Variants in PRKDC observed in about 807,000 individuals in gnomAD.
The protein encoded by PRKDC is DNA-dependent protein kinase catalytic subunit.
PRKDC carries 82 observed loss-of-function variants against 486.9 expected under a neutral mutation model. The ratio of observed to expected loss-of-function variants is 0.17; its 90% confidence interval spans 0.14 to 0.20. PRKDC has a LOEUF of 0.20. Ranked by LOEUF, PRKDC falls within the 10% of genes least tolerant of loss-of-function variation. The probability of loss-of-function intolerance (pLI) is 1.00; values close to 1 mark genes in which losing one functional copy is unlikely to be tolerated. For synonymous variants in PRKDC, 1,895 were observed against 1,837.0 expected (o/e 1.03, Z -0.81); for missense variants, 4,504 against 5,038.2 (o/e 0.89, Z 3.21).
Position 47,888,544 on chromosome 8 carries a change from GC to G in PRKDC, c.4386del (p.Leu1463PhefsTer41). Reference protein sequence around the residue: ...VSACKQLHRAGLLHNILPSQS... With the variant: ...VSACKQLHRAXLLHNILPSQS... The stretch of plus-strand genomic sequence containing the variant: ...TGAGACGGTAATATATTATGCAGAA[GC>G]CCAGCTCTGTGAAGCTGTTTACAGG... On this transcript the variant is annotated frameshift_variant, in exon 34 of 86. Transcript: ENST00000314191. LOFTEE classifies it high-confidence loss of function. 1 of 1,575,098 alleles carries G rather than the reference GC, an allele frequency of 6.3e-7. No individual in the cohort carries two copies. The highest frequency in any genetic ancestry group is 8.6e-7 in the Non-Finnish European group (1 of 1,159,536).
At position 47,823,814 on chromosome 8, in the gene PRKDC, A is replaced by G. The variant is rs770714241; in HGVS notation, c.8922+44T>C. 2.5e-6 allele frequency: 4 copies of G among 1,605,628 alleles called. No individual in the cohort carries two copies. The South Asian group carries it at 4.4e-5, about 18-fold the overall frequency. On this transcript the variant is annotated intron_variant, in intron 64 of 85. Coordinates refer to ENST00000314191, the MANE Select transcript of PRKDC (RefSeq NM_006904.7). ...AAAGTCATAGTTCAGCAGAAAACAAAAGTGTTGAAGTAAATGTCATATTTT... is the reference window on the plus strand; with the variant it reads ...AAAGTCATAGTTCAGCAGAAAACAAGAGTGTTGAAGTAAATGTCATATTTT...
At chr8:47,879,697 T>C in intron 38 of PRKDC, 39 bp from the exon 39 acceptor site, 1 of 1,466,790 alleles carries the variant, frequency 6.8e-7, no homozygotes. Context: ...GCACGAATTA[T>C]GGCTTATATA....
Position 47,858,957 on chromosome 8 carries a change from A to T in PRKDC, c.6237T>A (p.Asp2079Glu), listed in dbSNP as rs1291525856. ...GCTCGTCCATCTCCAGCTCCAGCAC[A>T]TCATCATGCACCGTGGGGTCCCGCT... ...REQRDPTVHD[D>E]VLELEMDELN... The change falls in exon 47 of 86, where the codon GAT becomes GAA. Residue 2079 changes from aspartate to glutamate, a missense_variant. Physicochemically the swap from Asp to Glu is conservative, Grantham distance 45 (BLOSUM62 2). Transcript: ENST00000314191. The T allele has an allele frequency of 3.7e-6, 6 of 1,613,522 alleles. No individual in the cohort carries two copies. The highest frequency in any genetic ancestry group is 4.2e-6 in the Non-Finnish European group (5 of 1,179,878).
rs767290425 is a variant in PRKDC at position 47,881,904 on chromosome 8, T to C, written c.4962+8A>G. On this transcript the variant is annotated splice_region_variant and intron_variant, in intron 37 of 85. Transcript: ENST00000314191. Reference sequence around the variant, plus strand: ...TAAACATGACTGCTTTTTAAAGGAATTGAATACCTGTAAAATTTTTGCCAG... The same window carrying C: ...TAAACATGACTGCTTTTTAAAGGAACTGAATACCTGTAAAATTTTTGCCAG... 46 of 1,598,888 alleles carry C rather than the reference T, an allele frequency of 2.9e-5. No homozygotes were observed. The highest frequency in any genetic ancestry group is 5.4e-5 in the African/African-American group (4 of 74,542).
chr8:47,799,421 C>T, intron 71 of PRKDC, 31 bp from the exon 72 acceptor site: 1 of 1,458,200 alleles, frequency 6.9e-7, no homozygotes, highest in Non-Finnish European at 9.0e-7. Flanking sequence ...AACCCATGAG[C>T]ATGACTGAAG....
At chr8:47,910,742 T>C (rs761875603) in intron 25 of PRKDC, among the ~76,000 whole-genome samples, 11 of 152,234 alleles carry the variant, frequency 7.2e-5, no homozygotes, top group Non-Finnish European at 1.2e-4. Context: ...GACGTTTTTT[T>C]CAATAATGAC....
At chr8:47,929,719 T>C (rs1265420456) in intron 18 of PRKDC, 134 bp downstream of exon 18, 15 of 1,068,912 alleles carry the variant, frequency 1.4e-5, no homozygotes, top group Non-Finnish European at 2.5e-6. Context: ...CACATATCAA[T>C]TTTTTTAAAC....
chr8:47,899,151 A>C (rs943501540), intron 28 of PRKDC, among the ~76,000 whole-genome samples: 1 of 152,240 alleles, frequency 6.6e-6, no homozygotes, highest in Non-Finnish European at 1.5e-5. Context: ...TGTGTCACCA[A>C]GAAAAAGTTT....
Position 47,877,841 on chromosome 8 carries a change from G to T in PRKDC, c.5246C>A (p.Ala1749Glu). The change falls in exon 40 of 86, where the codon GCA becomes GAA. Residue 1749 changes from alanine to glutamate, a missense_variant. Physicochemically the swap from Ala to Glu is moderately radical, Grantham distance 107 (BLOSUM62 -1). Transcript: ENST00000314191. Reference protein sequence around the residue: ...YVDCMKKFLDALELSQSPMLL... With the variant: ...YVDCMKKFLDELELSQSPMLL... Reference sequence around the variant, plus strand: ...CATAGGGCTTTGAGATAATTCCAATGCATCTAGAAACTAGAAAAAATACAT... The same window carrying T: ...CATAGGGCTTTGAGATAATTCCAATTCATCTAGAAACTAGAAAAAATACAT... The T allele has an allele frequency of 6.6e-7, 1 of 1,509,304 alleles. No individual in the cohort carries two copies. The highest frequency in any genetic ancestry group is 8.9e-7 in the Non-Finnish European group (1 of 1,125,474). The allele number at this position is 1,509,304 out of a possible 1,614,324, so 93.5% of individuals were successfully genotyped here.
Position 47,893,369 on chromosome 8 carries a change from A to C in PRKDC, c.3617T>G (p.Leu1206Trp). ...TTCCTTGAGAACATCTTTCAGCCAC[A>C]AATTAGGGGATCTGTTGCCTTTAAA... is the stretch of plus-strand genomic sequence containing the variant. ...PLLPGNRSPN[L>W]WLKDVLKEEG... The change falls in exon 31 of 86, where the codon TTG becomes TGG. Residue 1206 changes from leucine (L) to tryptophan (W), a missense_variant. Around this residue, in one of 6 missense-constraint regions of PRKDC, gnomAD observed 1,969 missense variants for 2,068.9 expected, o/e 0.95. Transcript: ENST00000314191. 6.5e-7 allele frequency: 1 copy of C among 1,536,980 alleles called. No individual in the cohort carries two copies. The highest frequency in any genetic ancestry group is 8.8e-7 in the Non-Finnish European group (1 of 1,134,240).
intron 76 of PRKDC, among the ~76,000 whole-genome samples, chr8:47,786,921 G>A (rs2086801923): frequency 6.6e-6 from 1 of 151,516 alleles, no homozygotes; most frequent in Non-Finnish European, 1.5e-5. Context: ...GTAAAGATGG[G>A]TTTCACCATG....
At chr8:47,856,402 A>C (rs1229609128) in intron 49 of PRKDC, among the ~76,000 whole-genome samples, 1 of 151,964 alleles carries the variant, frequency 6.6e-6, no homozygotes, top group Non-Finnish European at 1.5e-5. Context: ...TAATTTTTGC[A>C]TTTTTTTAGT....
chr8:47,939,926 G>T, intron 10 of PRKDC: 1 of 181,412 alleles, frequency 5.5e-6, no homozygotes, highest in Non-Finnish European at 1.1e-5. Context: ...AAGGGACTAA[G>T]AGACCAAGGA....
intron 68 of PRKDC, among the ~76,000 whole-genome samples, chr8:47,811,743 G>A (rs1386980455): frequency 2.6e-5 from 4 of 152,202 alleles, no homozygotes; most frequent in Non-Finnish European, 2.9e-5. Flanking sequence ...TTGGAAGGCT[G>A]AGGTGGGTGG....
chr8:47,785,644 G>C (rs1408628944), intron 76 of PRKDC, among the ~76,000 whole-genome samples: 1 of 152,108 alleles, frequency 6.6e-6, no homozygotes, highest in Non-Finnish European at 1.5e-5. Context: ...TGAAGTGGGA[G>C]GATCGCTATT....
intron 58 of PRKDC, among the ~76,000 whole-genome samples, 193 bp downstream of exon 58, chr8:47,836,145 C>A (rs1400447976): frequency 6.6e-6 from 1 of 152,182 alleles, no homozygotes; most frequent in Non-Finnish European, 1.5e-5. Context: ...TGGCACCTGG[C>A]ACTCTACTTT....
At chr8:47,840,467 T>C (rs183761633) in intron 54 of PRKDC, among the ~76,000 whole-genome samples, 62 of 152,328 alleles carry the variant, frequency 4.1e-4, no homozygotes, top group Non-Finnish European at 6.5e-4. Context: ...TAAATAGTAA[T>C]GTTCTAATGT....
chr8:47,878,625 C>T (rs999909429), intron 39 of PRKDC, among the ~76,000 whole-genome samples: 1 of 152,194 alleles, frequency 6.6e-6, no homozygotes, highest in South Asian at 2.1e-4. Flanking sequence ...TCCCCTTCTC[C>T]ATCTCAGTTT....
chr8:47,848,388 A>G lies in PRKDC; in HGVS notation c.7280+766T>C, dbSNP rs77662302. ...TAAGTGAACTAGTACAGAAACAGAA[A>G]AGCAAATACTGCATGTACTTACTCA... On this transcript the variant is annotated intron_variant, in intron 54 of 85. Coordinates refer to ENST00000314191, the MANE Select transcript of PRKDC (RefSeq NM_006904.7). Among the ~76,000 whole-genome samples the G allele has an allele frequency of 3.9e-5, 6 of 152,314 alleles. No individual in the cohort carries two copies. In the East Asian group the frequency reaches 1.2e-3, roughly 29 times the overall value.
Sources: allele counts gnomAD v4.1 joint callset (sites outside exome capture counted in the v4.1 genomes callset), GRCh38; gene constraint gnomAD v4.1.1; regional missense constraint gnomAD v4.1.1; transcripts MANE v1.5; gene names NCBI Gene and HGNC (gene_info 2026-07-23, HGNC 2026-07-21).